TAFA2: variants seen among roughly 807,000 people sequenced by gnomAD.
TAFA2 encodes the protein TAFA chemokine like family member 2, also known as chemokine-like protein TAFA-2.
A neutral mutation model predicts 18.8 loss-of-function variants in TAFA2; 7 were observed. The observed-to-expected ratio is 0.37, with a 90% CI of 0.21 to 0.70. TAFA2 has a LOEUF of 0.70. Ranked by LOEUF, TAFA2 falls within the 30% of genes least tolerant of loss-of-function variation. The probability of loss-of-function intolerance (pLI) is 0.53; values close to 1 mark genes in which losing one functional copy is unlikely to be tolerated. For missense variants in TAFA2, 122 were observed against 158.1 expected, an observed-to-expected ratio of 0.77 and a Z score of 1.23; for synonymous variants, 60 against 54.2, an observed-to-expected ratio of 1.11 and a Z score of -0.47.
chr12:61,891,778 G>A (rs1385009180), intron 1 of TAFA2, among the ~76,000 whole-genome samples: 1 of 152,078 alleles, frequency 6.6e-6, no homozygotes, highest in Non-Finnish European at 1.5e-5. Flanking sequence ...AGAAGGCAGT[G>A]TGGGAGGGGC....
At chr12:62,130,381 A>G (rs1244084052) in intron 1 of TAFA2, among the ~76,000 whole-genome samples, 2 of 152,018 alleles carry the variant, frequency 1.3e-5, no homozygotes, top group Non-Finnish European at 2.9e-5. Context: ...GTTCAAAATT[A>G]AAGTAATGAA....
chr12:61,792,067 T>C (rs944957465), intron 2 of TAFA2, among the ~76,000 whole-genome samples: 4 of 151,570 alleles, frequency 2.6e-5, no homozygotes, highest in South Asian at 2.1e-4. Flanking sequence ...TGCAACAACA[T>C]GGATAATACT....
chr12:61,817,208 T>C (rs1439570535), intron 2 of TAFA2, among the ~76,000 whole-genome samples: 1 of 152,128 alleles, frequency 6.6e-6, no homozygotes, highest in African/African-American at 2.4e-5. Flanking sequence ...AACCTACCCT[T>C]GTGTGTAATC....
chr12:62,156,315 C>T (rs533654281), intron 1 of TAFA2, among the ~76,000 whole-genome samples: 15 of 152,198 alleles, frequency 9.9e-5, no homozygotes, highest in East Asian at 3.9e-4. Context: ...GTATGGATGC[C>T]GTGATCAGTG....
At chr12:61,848,439 G>T (rs1592431837) in intron 2 of TAFA2, among the ~76,000 whole-genome samples, 2 of 152,034 alleles carry the variant, frequency 1.3e-5, no homozygotes, top group East Asian at 3.9e-4. Context: ...AGTCTTAATT[G>T]TACTTATTTA....
chr12:61,890,136 C>T (rs532814698), intron 1 of TAFA2, among the ~76,000 whole-genome samples: 2 of 152,320 alleles, frequency 1.3e-5, no homozygotes, highest in East Asian at 3.9e-4. Context: ...TTTTAGGCAG[C>T]CTTTGCTGCC....
chr12:62,110,162 A>G (rs1033567801), intron 1 of TAFA2, among the ~76,000 whole-genome samples: 3 of 152,132 alleles, frequency 2.0e-5, no homozygotes, highest in Non-Finnish European at 4.4e-5. Flanking sequence ...ATCTATACCT[A>G]GTTTATTGAG....
At chr12:62,078,789 C>T (rs935301786) in intron 1 of TAFA2, among the ~76,000 whole-genome samples, 17 of 152,010 alleles carry the variant, frequency 1.1e-4, no homozygotes, top group African/African-American at 3.4e-4. Flanking sequence ...TTCTTTTTGG[C>T]GTGATGTTAA....
intron 1 of TAFA2, among the ~76,000 whole-genome samples, chr12:62,245,428 G>A (rs2062880367): frequency 6.6e-6 from 1 of 151,706 alleles, no homozygotes; most frequent in African/African-American, 2.4e-5. Flanking sequence ...ACTTTTACAT[G>A]TCTGCAGATT....
chr12:61,727,081 C>T (rs1294973530), intron 4 of TAFA2, among the ~76,000 whole-genome samples: 1 of 152,062 alleles, frequency 6.6e-6, no homozygotes, highest in Non-Finnish European at 1.5e-5. Flanking sequence ...ATGAAGCACA[C>T]TTGATCATGG....
At chr12:62,147,312 GTGTGTGTA>G (rs2062289325) in intron 1 of TAFA2, among the ~76,000 whole-genome samples, 1 of 9,058 alleles carries the variant, frequency 1.1e-4, no homozygotes, top group Non-Finnish European at 9.3e-4. Context: ...GCATGTGTGT[GTGTGTGTA>G]TGTATGTATA....
chr12:62,089,727 G>A (rs1173705491), intron 1 of TAFA2, among the ~76,000 whole-genome samples: 4 of 152,002 alleles, frequency 2.6e-5, no homozygotes, highest in Admixed American at 2.0e-4. Context: ...TAAAACCACA[G>A]AGCTGAAACA....
intron 1 of TAFA2, among the ~76,000 whole-genome samples, chr12:62,176,494 G>A (rs1329118385): frequency 2.6e-5 from 4 of 152,098 alleles, no homozygotes; most frequent in African/African-American, 2.4e-5. Context: ...TTTGGCCTGA[G>A]TTTAAATTCC....
intron 2 of TAFA2, among the ~76,000 whole-genome samples, chr12:61,829,410 C>T (rs977479618): frequency 2.0e-5 from 3 of 151,798 alleles, no homozygotes; most frequent in African/African-American, 7.2e-5. Flanking sequence ...ATAAAAACAG[C>T]AAATCACTTG....
chr12:61,853,430 C>T (rs1239734992), intron 2 of TAFA2, among the ~76,000 whole-genome samples: 1 of 151,936 alleles, frequency 6.6e-6, no homozygotes, highest in Non-Finnish European at 1.5e-5. Flanking sequence ...AAATTAAAAA[C>T]ACTATTAGTG....
intron 1 of TAFA2, among the ~76,000 whole-genome samples, chr12:62,212,128 CA>C (rs1396119974): frequency 1.3e-5 from 2 of 152,162 alleles, no homozygotes; most frequent in African/African-American, 2.4e-5. Context: ...TCAAGATATA[CA>C]GCAAATCAGG....
At chr12:62,143,760 C>T (rs931808639) in intron 1 of TAFA2, among the ~76,000 whole-genome samples, 1 of 151,872 alleles carries the variant, frequency 6.6e-6, no homozygotes, top group African/African-American at 2.4e-5. Flanking sequence ...TCTTAAAATT[C>T]GGCAGGGTGT....
At chr12:61,927,527 G>A (rs11174239) in intron 1 of TAFA2, among the ~76,000 whole-genome samples, 13,291 of 152,072 alleles carry the variant, frequency 0.087, 653 homozygotes, top group East Asian at 0.22. Context: ...CAAACAAATG[G>A]GAAAACATTC....
chr12:62,205,885 A>C (rs1356804232), intron 1 of TAFA2, among the ~76,000 whole-genome samples: 1 of 151,928 alleles, frequency 6.6e-6, no homozygotes, highest in Non-Finnish European at 1.5e-5. Context: ...CTTCTGATTC[A>C]TGGGTTGCAC....
Sources: gnomAD v4.1 joint callset for allele counts (sites outside exome capture counted in the v4.1 genomes callset) on GRCh38, gnomAD v4.1.1 for gene constraint, MANE v1.5 for transcripts, NCBI Gene and HGNC (gene_info 2026-07-23, HGNC 2026-07-21) for gene names.